Variants in VTI1A observed in about 807,000 individuals in gnomAD.
The protein encoded by VTI1A is vesicle transport through interaction with t-SNAREs homolog 1A.
In VTI1A, 22 loss-of-function variants were observed where a neutral mutation model predicts 34.9. The ratio of observed to expected loss-of-function variants is 0.63; its 90% CI spans 0.45 to 0.90. VTI1A has a LOEUF of 0.90. VTI1A is among the 40% of genes least tolerant of loss of function. The pLI, the probability that VTI1A is intolerant of heterozygous loss-of-function variation, is 0.00. For synonymous variants in VTI1A, 87 were observed against 97.3 expected, an observed-to-expected ratio of 0.89 and a Z score of 0.62; for missense variants, 268 against 275.6, an observed-to-expected ratio of 0.97 and a Z score of 0.20.
chr10:112,670,270 C>T (rs1440053046), intron 7 of VTI1A, among the ~76,000 whole-genome samples: 1 of 152,112 alleles, frequency 6.6e-6, no homozygotes, highest in East Asian at 1.9e-4. Flanking sequence ...TGTCAAATCT[C>T]ATTAAAGAGT....
Position 112,483,947 on chromosome 10 carries a change from A to T in VTI1A, c.264+19290A>T, listed in dbSNP as rs552949739. Among the ~76,000 whole-genome samples the T allele has an allele frequency of 2.0e-5, 3 of 152,324 alleles. No homozygotes were observed. In the East Asian group the frequency reaches 5.8e-4, roughly 29 times the overall value. On this transcript the variant is annotated intron_variant, in intron 3 of 7. Transcript: ENST00000393077. ...CTCCTAATTTGGATCCAGGACTAGA[A>T]ATCAAGTCTGTCAGACTTTCAAGCT...
chr10:112,713,824 G>A (rs1849512631), intron 7 of VTI1A, among the ~76,000 whole-genome samples: 1 of 152,188 alleles, frequency 6.6e-6, no homozygotes, highest in South Asian at 2.1e-4. Flanking sequence ...GTTACATAAA[G>A]AGGGGGAAAA....
chr10:112,660,169 C>T (rs186703093), intron 5 of VTI1A, among the ~76,000 whole-genome samples: 84 of 152,140 alleles, frequency 5.5e-4, no homozygotes, highest in Non-Finnish European at 8.7e-4. Context: ...GGCATGATCT[C>T]GGCACACTGC....
intron 7 of VTI1A, among the ~76,000 whole-genome samples, chr10:112,760,621 T>G (rs1285731239): frequency 6.6e-6 from 1 of 152,210 alleles, no homozygotes; most frequent in Non-Finnish European, 1.5e-5. Context: ...CCAGGCACAG[T>G]GGCTCACGCC....
intron 3 of VTI1A, among the ~76,000 whole-genome samples, chr10:112,493,955 G>A (rs555063269): frequency 3.8e-4 from 58 of 152,120 alleles, no homozygotes; most frequent in African/African-American, 1.3e-3. Context: ...TTTGCATCAC[G>A]GTAATGCTAG....
chr10:112,509,062 A>G (rs779245022), intron 3 of VTI1A, among the ~76,000 whole-genome samples: 2 of 152,222 alleles, frequency 1.3e-5, no homozygotes, highest in Non-Finnish European at 2.9e-5. Context: ...GGACATGAGT[A>G]TTTGAGGCCA....
Position 112,527,072 on chromosome 10 carries a change from T to C in VTI1A, c.265-15T>C, listed in dbSNP as rs1850256118. ...ACGTTCCTCTCACTCTCTCCCTTTT[T>C]GTTTTGTTTTATAGAAAAGGTCACG... On this transcript the variant is annotated splice_polypyrimidine_tract_variant and intron_variant, in intron 3 of 7. Coordinates refer to ENST00000393077, the MANE Select transcript of VTI1A (RefSeq NM_145206.4). 6.2e-7 allele frequency: 1 copy of C among 1,611,462 alleles called. No individual in the cohort carries two copies. Among genetic ancestry groups the C allele is most frequent in the Admixed American group, 1.7e-5 (1 of 59,696 alleles).
intron 5 of VTI1A, among the ~76,000 whole-genome samples, chr10:112,584,845 C>T (rs1844085283): frequency 6.6e-6 from 1 of 152,128 alleles, no homozygotes; most frequent in African/African-American, 2.4e-5. Context: ...CACATTCTCT[C>T]TATGGAGAGA....
chr10:112,849,940 G>C, the VTI1A span, among the ~76,000 whole-genome samples: 1 of 152,176 alleles, frequency 6.6e-6, no homozygotes, highest in Admixed American at 6.5e-5. Context: ...GGAAGGGGTA[G>C]GGCTCCCCCG....
chr10:112,461,882 T>A (rs1386275347), intron 2 of VTI1A, among the ~76,000 whole-genome samples: 4 of 152,116 alleles, frequency 2.6e-5, no homozygotes. Flanking sequence ...ACTTGGCTAC[T>A]TTGTTTGTTT....
intron 7 of VTI1A, among the ~76,000 whole-genome samples, chr10:112,721,935 G>A (rs1197715484): frequency 3.3e-5 from 5 of 152,118 alleles, no homozygotes; most frequent in African/African-American, 4.8e-5. Context: ...GGGGAGGTGG[G>A]GAGTGTGTTT....
the VTI1A span, among the ~76,000 whole-genome samples, chr10:112,830,245 C>T: frequency 6.6e-6 from 1 of 152,174 alleles, no homozygotes; most frequent in South Asian, 2.1e-4. Context: ...ATCAGAATTC[C>T]TTCCCATGGC....
At chr10:112,536,497 T>G (rs1416207947) in intron 4 of VTI1A, among the ~76,000 whole-genome samples, 1 of 152,190 alleles carries the variant, frequency 6.6e-6, no homozygotes, top group Non-Finnish European at 1.5e-5. Flanking sequence ...GAGCTCCCCT[T>G]TCTCTTCTTT....
chr10:112,827,285 C>T, the VTI1A span: 1 of 151,828 alleles, frequency 6.6e-6, no homozygotes, highest in Non-Finnish European at 1.5e-5. Flanking sequence ...TTCATGGTTC[C>T]TAATGATGGT....
intron 7 of VTI1A, among the ~76,000 whole-genome samples, chr10:112,707,853 C>T (rs1295605304): frequency 6.6e-6 from 1 of 152,158 alleles, no homozygotes; most frequent in Non-Finnish European, 1.5e-5. Flanking sequence ...TTGAGATTGA[C>T]TATGAGCTAT....
At chr10:112,800,409 A>G (rs1852837016) in intron 7 of VTI1A, among the ~76,000 whole-genome samples, 1 of 152,244 alleles carries the variant, frequency 6.6e-6, no homozygotes. Context: ...CACCTGAGGC[A>G]GGAGGCTGCC....
At chr10:112,498,294 C>T (rs528661368) in intron 3 of VTI1A, among the ~76,000 whole-genome samples, 10 of 152,220 alleles carry the variant, frequency 6.6e-5, no homozygotes, top group Admixed American at 5.9e-4. Context: ...TCTCATAATT[C>T]TGAAGTGCTA....
intron 5 of VTI1A, among the ~76,000 whole-genome samples, chr10:112,664,452 T>A (rs1268338972): frequency 6.6e-6 from 1 of 152,146 alleles, no homozygotes; most frequent in Non-Finnish European, 1.5e-5. Flanking sequence ...TCAGATGGTA[T>A]TATTATTTTA....
At chr10:112,715,660 A>G (rs1272360761) in intron 7 of VTI1A, among the ~76,000 whole-genome samples, 4 of 152,270 alleles carry the variant, frequency 2.6e-5, no homozygotes, top group Admixed American at 6.5e-5. Flanking sequence ...TTTCCCTGCC[A>G]GATAGTTGTT....
Sources: gnomAD v4.1 joint callset for allele counts (sites outside exome capture counted in the v4.1 genomes callset) on GRCh38, gnomAD v4.1.1 for gene constraint, MANE v1.5 for transcripts, NCBI Gene and HGNC (gene_info 2026-07-23, HGNC 2026-07-21) for gene names.